The following FKBP15 variants were observed in gnomAD, a reference collection of about 807,000 sequenced individuals.
FKBP15 encodes FK506-binding protein 15.
A neutral mutation model predicts 158.1 loss-of-function variants in FKBP15; 106 were observed. The ratio of observed to expected loss-of-function variants is 0.67; its 90% confidence interval spans 0.57 to 0.79. The LOEUF (loss-of-function observed/expected upper bound fraction) is 0.79, where lower values mean the gene tolerates loss of function less well. Among genes scored for constraint, FKBP15 ranks in the 30% least tolerant of loss-of-function variants. FKBP15 has a pLI of 0.00. For missense variants in FKBP15, 1,287 were observed against 1,479.1 expected, an observed-to-expected ratio of 0.87 and a Z score of 2.13; for synonymous variants, 547 against 548.6, an observed-to-expected ratio of 1.00 and a Z score of 0.04.
intron 8 of FKBP15, among the ~76,000 whole-genome samples, chr9:113,197,535 G>A (rs1226648402): frequency 6.6e-6 from 1 of 152,134 alleles, no homozygotes; most frequent in Non-Finnish European, 1.5e-5. Flanking sequence ...CAGATGTGGT[G>A]GTGCGCTCCT....
chr9:113,166,391 T>C (rs1830099658), intron 27 of FKBP15, among the ~76,000 whole-genome samples: 1 of 152,230 alleles, frequency 6.6e-6, no homozygotes, highest in Non-Finnish European at 1.5e-5. Context: ...GTTTGGCTAA[T>C]CTCATCATTT....
At position 113,176,665 on chromosome 9, in the gene FKBP15, C is replaced by T. The variant is rs796461951; in HGVS notation, c.2095G>A (p.Glu699Lys). 2 of 1,609,112 alleles carry T rather than the reference C, an allele frequency of 1.2e-6. No individual in the cohort carries two copies. The highest frequency in any genetic ancestry group is 1.7e-6 in the Non-Finnish European group (2 of 1,177,272). ...TTGGACTGTGCTTGCTCAGAGGTTT[C>T]TTGGAGCTCTGGGATACAGGAGCAG... is the stretch of plus-strand genomic sequence containing the variant. ...KVQAKLSELQ[E>K]TSEQAQSKFK... The change falls in exon 21 of 28, where the codon GAA becomes AAA. Residue 699 changes from glutamate to lysine, a missense_variant. Coordinates refer to ENST00000238256, the MANE Select transcript of FKBP15 (RefSeq NM_015258.2).
At chr9:113,213,090 T>C (rs1831045622) in intron 1 of FKBP15, among the ~76,000 whole-genome samples, 1 of 151,942 alleles carries the variant, frequency 6.6e-6, no homozygotes, top group African/African-American at 2.4e-5. Context: ...CAAAAAAATA[T>C]ACAGAAAAAT....
rs536060397 is a variant in FKBP15, at chr9:113,184,307, G to T, written c.1701C>A (p.Ile567=). 2.0e-5 allele frequency: 32 copies of T among 1,598,860 alleles called. No individual in the cohort carries two copies. The African/African-American group carries it at 3.9e-4, about 19-fold the overall frequency. ...TMETSMIMSN[I]QRIIQENERL... is the part of the protein sequence containing the mutation. The stretch of plus-strand genomic sequence containing the variant: ...TCACCCTCACCTGAATGATTCGCTG[G>T]ATGTTGCTCATAATCATGCTTGTTT... Residue 567 remains isoleucine (I), a synonymous_variant, in exon 17 of 28, where the codon ATC becomes ATA. Transcript: ENST00000238256. The surrounding 1 kb of genome is among the most constrained non-coding windows in gnomAD (Gnocchi z 4.5).
At chr9:113,194,003 C>T (rs1830624069) in intron 10 of FKBP15, 24 bp downstream of exon 10, 1 of 1,581,500 alleles carries the variant, frequency 6.3e-7, no homozygotes, top group South Asian at 1.2e-5. Context: ...CATAAAAGAG[C>T]TTGATACAAC....
intron 20 of FKBP15, 75 bp from the exon 21 acceptor site, chr9:113,176,748 T>C (rs936831778): frequency 9.6e-5 from 142 of 1,483,962 alleles, no homozygotes; most frequent in Non-Finnish European, 1.3e-4. Flanking sequence ...CAGCAGCTCT[T>C]TTTTTAAATT....
At position 113,162,077 on chromosome 9, in the gene FKBP15, ACTTGGTGGGAGGAGGATGACAAGCTCTC is replaced by A; in HGVS notation, c.*3973_*4000del. On this transcript the variant is annotated 3_prime_UTR_variant, in exon 28 of 28. Coordinates refer to ENST00000238256, the MANE Select transcript of FKBP15 (RefSeq NM_015258.2). ...CAGCTGTCCTGAAGCAATGTATCCC[ACTTGGTGGGAGGAGGATGACAAGCTCTC>A]CTCTCCTCCCTTCCCACTCGAATCA... The A allele has an allele frequency of 2.9e-6, 1 of 348,128 alleles. No homozygotes were observed. The highest frequency in any genetic ancestry group is 5.5e-6 in the Non-Finnish European group (1 of 183,470). 21.6% of individuals were successfully genotyped at this position (348,128 alleles called of 1,614,324 possible). A position where few individuals can be genotyped will look rare whatever the true frequency, so the allele number is the denominator to read the frequency against.
In FKBP15 at chr9:113,170,023, G is replaced by A. The variant is rs1468168067; in HGVS notation, c.2767-81C>T. 3 of 1,438,164 alleles carry A rather than the reference G, an allele frequency of 2.1e-6. No homozygotes were observed. In the African/African-American group the frequency reaches 4.3e-5, roughly 21 times the overall value. 89.1% of individuals were successfully genotyped at this position (1,438,164 alleles called of 1,614,324 possible). A position where few individuals can be genotyped will look rare whatever the true frequency, so the allele number is the denominator to read the frequency against. Reference sequence around the variant, plus strand: ...AATTCTTATTAACACTACTGGTCATGTAGTTTAAATGACTTTGCTTCTTTC... The same window carrying A: ...AATTCTTATTAACACTACTGGTCATATAGTTTAAATGACTTTGCTTCTTTC... On this transcript the variant is annotated intron_variant, in intron 25 of 27. Transcript: ENST00000238256.
At chr9:113,210,258 C>T (rs1221989127) in intron 2 of FKBP15, among the ~76,000 whole-genome samples, 1 of 151,570 alleles carries the variant, frequency 6.6e-6, no homozygotes, top group African/African-American at 2.4e-5. Flanking sequence ...CACAACCTGG[C>T]ATGTCACTTT....
chr9:113,177,802 G>A (rs563888941), intron 20 of FKBP15, among the ~76,000 whole-genome samples: 49 of 152,164 alleles, frequency 3.2e-4, no homozygotes, highest in African/African-American at 1.1e-3. Flanking sequence ...TTCCATATTT[G>A]TTTCCATAAA....
intron 27 of FKBP15, among the ~76,000 whole-genome samples, chr9:113,167,116 G>A (rs2118852072): frequency 6.6e-6 from 1 of 152,364 alleles, no homozygotes; most frequent in South Asian, 2.1e-4. Flanking sequence ...GGATTTTCAA[G>A]TGTGGCTCAC....
At chr9:113,208,795 T>G (rs1401506706) in intron 2 of FKBP15, among the ~76,000 whole-genome samples, 2 of 151,992 alleles carry the variant, frequency 1.3e-5, no homozygotes, top group Non-Finnish European at 2.9e-5. Context: ...TCACTTGTGG[T>G]CAGGAGTTTG....
Position 113,184,179 on chromosome 9 carries a change from G to A in FKBP15, c.1716+113C>T, listed in dbSNP as rs1830447138. On this transcript the variant is annotated intron_variant, in intron 17 of 27. Transcript: ENST00000238256. This position sits in a 1 kb window ranked among gnomAD's most constrained non-coding sequence, Gnocchi z 4.5. Reference sequence around the variant, plus strand: ...ATTTTCTAGAATTGTCTAACCCAGTGTAGCGTTTATCACAGGCTATTTCTG... The same window carrying A: ...ATTTTCTAGAATTGTCTAACCCAGTATAGCGTTTATCACAGGCTATTTCTG... 2.8e-6 allele frequency: 2 copies of A among 708,356 alleles called. No individual in the cohort carries two copies. Among genetic ancestry groups the A allele is most frequent in the South Asian group, 1.8e-5 (1 of 55,966 alleles). 43.9% of individuals were successfully genotyped at this position (708,356 alleles called of 1,614,324 possible). A position where few individuals can be genotyped will look rare whatever the true frequency, so the allele number is the denominator to read the frequency against.
Position 113,188,379 on chromosome 9 carries a change from G to T in FKBP15, c.1276+10C>A. ...GTTCAAGGCCACAGAGCCTCAGAGA[G>T]GTTCCTTACCCTGTGAGGTCATCTG... is the stretch of plus-strand genomic sequence containing the variant. On this transcript the variant is annotated intron_variant, in intron 13 of 27. Coordinates refer to ENST00000238256, the MANE Select transcript of FKBP15 (RefSeq NM_015258.2). The T allele has an allele frequency of 6.2e-7, 1 of 1,605,014 alleles. No individual in the cohort carries two copies. Among genetic ancestry groups the T allele is most frequent in the Middle Eastern group, 1.7e-4 (1 of 6,000 alleles).
Position 113,164,037 on chromosome 9 carries a change from G to T in FKBP15, c.*2041C>A, listed in dbSNP as rs2571. ...AAAAAAGGAAAGAGAGAAAATCACT[G>T]CTGTATACTAAATACCTCACAGATT... On this transcript the variant is annotated 3_prime_UTR_variant, in exon 28 of 28. Transcript: ENST00000238256. 0.082 allele frequency: 12,571 copies of T among 152,680 alleles called. 668 individuals are homozygous for T. Among genetic ancestry groups the T allele is most frequent in the East Asian group, 0.18 (924 of 5,190 alleles). The allele number at this position is 152,680 out of a possible 1,614,324, so 9.5% of individuals were successfully genotyped here.
intron 11 of FKBP15, 24 bp downstream of exon 11, chr9:113,193,468 C>G (rs757657432): frequency 1.1e-5 from 18 of 1,567,894 alleles, no homozygotes; most frequent in Admixed American, 5.6e-5. Context: ...AACCACCATG[C>G]CTGGCCAAGA....
Position 113,169,894 on chromosome 9 carries a change from T to C in FKBP15, c.2815A>G (p.Ser939Gly). The C allele has an allele frequency of 1.3e-6, 2 of 1,549,310 alleles. No individual in the cohort carries two copies. Among genetic ancestry groups the C allele is most frequent in the Non-Finnish European group, 1.7e-6 (2 of 1,146,922 alleles). Reference sequence around the variant, plus strand: ...TTTTCTTCTTCTTCTTCACTGCTGCTCTCTTCCTTCTCTTGCTCCTGTTGG... The same window carrying C: ...TTTTCTTCTTCTTCTTCACTGCTGCCCTCTTCCTTCTCTTGCTCCTGTTGG... ...LNQQEQEKEE[S>G]SSEEEEEKAE... Residue 939 changes from serine (S) to glycine (G), a missense_variant, in exon 26 of 28, where the codon AGC becomes GGC. Coordinates refer to ENST00000238256, the MANE Select transcript of FKBP15 (RefSeq NM_015258.2).
intron 22 of FKBP15, 43 bp downstream of exon 22, chr9:113,174,385 C>T: frequency 1.9e-6 from 3 of 1,599,782 alleles, no homozygotes; most frequent in East Asian, 2.2e-5. Flanking sequence ...CTGAGTCCTT[C>T]ACACCTTCCC....
intron 4 of FKBP15, 23 bp from the exon 5 acceptor site, chr9:113,203,058 A>AG: frequency 6.8e-7 from 1 of 1,471,574 alleles, no homozygotes; most frequent in Non-Finnish European, 9.2e-7. Context: ...AACGACAGAT[A>AG]GAAAAAAAAA....
Sources: gnomAD v4.1 joint callset for allele counts (sites outside exome capture counted in the v4.1 genomes callset) on GRCh38, gnomAD v4.1.1 for gene constraint, Gnocchi (gnomAD v3.1) non-coding constraint, MANE v1.5 for transcripts, NCBI Gene and HGNC (gene_info 2026-07-23, HGNC 2026-07-21) for gene names.